Variants in C10orf88 observed in about 807,000 individuals in gnomAD.
C10orf88 encodes the protein chromosome 10 open reading frame 88, also known as ATPase PAAT.
C10orf88 carries 29 observed loss-of-function variants against 34.2 expected under a neutral mutation model. That is an observed-to-expected ratio of 0.85 (90% CI 0.63 to 1.16). C10orf88 has a LOEUF of 1.16. C10orf88 is among the 50% of genes most tolerant of loss of function. The pLI is 0.00. For synonymous variants in C10orf88, 194 were observed against 197.4 expected (o/e 0.98, Z 0.15); for missense variants, 507 against 533.2 (o/e 0.95, Z 0.48).
chr10:122,950,998 C>T (rs1766077420), intron 3 of C10orf88, among the ~76,000 whole-genome samples: 1 of 152,116 alleles, frequency 6.6e-6, no homozygotes, highest in Admixed American at 6.5e-5. Flanking sequence ...CAAGAATTTT[C>T]TTCAGCTCTC....
At chr10:122,943,696 C>T (rs1848607988) in intron 4 of C10orf88, among the ~76,000 whole-genome samples, 1 of 151,978 alleles carries the variant, frequency 6.6e-6, no homozygotes. Context: ...CAAACAACCC[C>T]ATCAAAAAGT....
In C10orf88 at chr10:122,942,463, C is replaced by T. The variant is rs538062700; in HGVS notation, c.649-4304G>A. 1.3e-3 allele frequency among the ~76,000 whole-genome samples: 196 copies of T among 152,228 alleles called. 1 individual carries two copies. The highest frequency in any genetic ancestry group is 4.3e-3 in the African/African-American group (180 of 41,526). ...GAAGCATTCCCTTTGAAAACTGGCA[C>T]AAGATAGGGATGCCCTCTCTCACCA... On this transcript the variant is annotated intron_variant, in intron 4 of 5. Transcript: ENST00000481909.
At chr10:122,945,649 T>TA (rs951887545) in intron 4 of C10orf88, among the ~76,000 whole-genome samples, 11 of 151,122 alleles carry the variant, frequency 7.3e-5, no homozygotes, top group Admixed American at 5.9e-4. Context: ...GTTTAAAACT[T>TA]AAAAAAAAAT....
At chr10:122,945,444 C>G (rs1848630784) in intron 4 of C10orf88, among the ~76,000 whole-genome samples, 2 of 152,126 alleles carry the variant, frequency 1.3e-5, no homozygotes, top group South Asian at 4.1e-4. Context: ...AAAACCACCT[C>G]AGGCAGGTCC....
intron 4 of C10orf88, among the ~76,000 whole-genome samples, chr10:122,945,666 C>A (rs1171547019): frequency 6.6e-6 from 1 of 151,588 alleles, no homozygotes; most frequent in African/African-American, 2.4e-5. Flanking sequence ...AAATTAAATA[C>A]AAAAAAAGCT....
At position 122,954,045 on chromosome 10, in the gene C10orf88, C is replaced by T. The variant is rs1354548153; in HGVS notation, c.134G>A (p.Trp45Ter). 6.5e-7 allele frequency: 1 copy of T among 1,536,350 alleles called. No homozygotes were observed. Among genetic ancestry groups the T allele is most frequent in the East Asian group, 2.6e-5 (1 of 39,034 alleles). ...AGCAGGCGGTGCCAGCAGCTCCTCC[C>T]AGTCGAAGTCACCGGGGCCGAGACC... is the stretch of plus-strand genomic sequence containing the variant. ...RAGLGPGDFD[W>*]EELLAPPAPG... The change falls in exon 1 of 6, where the codon TGG becomes TAG. Residue 45 changes from tryptophan to a stop codon, truncating the protein, a stop_gained. Coordinates refer to ENST00000481909, the MANE Select transcript of C10orf88 (RefSeq NM_024942.4). LOFTEE classifies it high-confidence loss of function.
At chr10:122,933,725 G>A (rs1337400878) in intron 5 of C10orf88, among the ~76,000 whole-genome samples, 1 of 152,064 alleles carries the variant, frequency 6.6e-6, no homozygotes, top group Non-Finnish European at 1.5e-5. Flanking sequence ...CTTTTTCAGA[G>A]ATTAATCCAC....
chr10:122,953,889 C>A, intron 1 of C10orf88, 126 bp downstream of exon 1: 1 of 838,850 alleles, frequency 1.2e-6, no homozygotes, highest in East Asian at 4.4e-5. Context: ...CCCTCCCCAA[C>A]TAGAGACCTG....
intron 3 of C10orf88, among the ~76,000 whole-genome samples, chr10:122,949,809 C>A (rs1458388163): frequency 1.3e-5 from 2 of 152,164 alleles, no homozygotes; most frequent in African/African-American, 4.8e-5. Flanking sequence ...TCCAAATGCT[C>A]ATGTAAAACG....
chr10:122,953,899 G>A (rs986581557), intron 1 of C10orf88, 116 bp downstream of exon 1: 1 of 871,204 alleles, frequency 1.1e-6, no homozygotes, highest in African/African-American at 2.1e-5. Context: ...CTAGAGACCT[G>A]GTACCAACTG....
intron 4 of C10orf88, among the ~76,000 whole-genome samples, chr10:122,942,185 CACAA>C (rs1229173988): frequency 6.6e-6 from 1 of 152,006 alleles, no homozygotes; most frequent in Non-Finnish European, 1.5e-5. Flanking sequence ...AAAATTTGTT[CACAA>C]ACAATTGCTT....
chr10:122,935,338 A>T (rs1436895007), intron 5 of C10orf88, among the ~76,000 whole-genome samples: 1 of 152,038 alleles, frequency 6.6e-6, no homozygotes, highest in Non-Finnish European at 1.5e-5. Flanking sequence ...CATAAAGTAT[A>T]AGATTTAAGT....
chr10:122,951,147 C>T (rs1461527444), intron 3 of C10orf88, among the ~76,000 whole-genome samples: 2 of 152,200 alleles, frequency 1.3e-5, no homozygotes, highest in African/African-American at 4.8e-5. Flanking sequence ...CTAACAGTTA[C>T]CTTAACAATA....
chr10:122,951,898 TAC>T (rs1252417678), intron 3 of C10orf88, 54 bp downstream of exon 3: 6 of 1,070,434 alleles, frequency 5.6e-6, no homozygotes, highest in South Asian at 2.7e-5. Flanking sequence ...AAAACAAGCA[TAC>T]ACAGAGTACA....
In C10orf88 at chr10:122,932,618, A is replaced by G. The variant is rs756118978; in HGVS notation, c.1147T>C (p.Ser383Pro). ...SICSYLEKIL[S>P]KNMELMEKKL... ...TTTTCCATCAGTTCCATATTTTTAG[A>G]AAGAATCTTTTCCAAGTAGGAGCAA... The change falls in exon 6 of 6, where the codon TCT becomes CCT. Residue 383 changes from serine to proline, a missense_variant. Physicochemically the swap from Ser to Pro is moderately conservative, Grantham distance 74 (BLOSUM62 -1). Transcript: ENST00000481909. 12 of 1,613,172 alleles carry G rather than the reference A, an allele frequency of 7.4e-6. No individual in the cohort carries two copies. The highest frequency in any genetic ancestry group is 1.0e-5 in the Non-Finnish European group (12 of 1,179,698).
intron 4 of C10orf88, among the ~76,000 whole-genome samples, chr10:122,944,833 GA>G (rs1023001509): frequency 3.3e-4 from 47 of 141,702 alleles, no homozygotes; most frequent in Non-Finnish European, 2.8e-4. Flanking sequence ...CTCTAAACTT[GA>G]AAAAAAAAAA....
Position 122,938,174 on chromosome 10 carries a change from C to A in C10orf88, c.649-15G>T. 6.4e-7 allele frequency: 1 copy of A among 1,553,716 alleles called. No homozygotes were observed. ...GGAATACAATTCTAAACAAGGTAAA[C>A]AAGTAAATGTTAATATTAATAACAC... On this transcript the variant is annotated splice_polypyrimidine_tract_variant and intron_variant, in intron 4 of 5. Transcript: ENST00000481909.
At chr10:122,950,023 T>G (rs58790917) in intron 3 of C10orf88, among the ~76,000 whole-genome samples, 1,578 of 152,346 alleles carry the variant, frequency 0.01, 26 homozygotes, top group African/African-American at 0.036. Flanking sequence ...TTATCCAACA[T>G]TTTATCCTGT....
At chr10:122,942,302 G>A (rs1012366681) in intron 4 of C10orf88, among the ~76,000 whole-genome samples, 6 of 151,424 alleles carry the variant, frequency 4.0e-5, no homozygotes, top group African/African-American at 1.5e-4. Context: ...ATGCAGAAAA[G>A]GCCTTTGACA....
Sources: allele counts gnomAD v4.1 joint callset (sites outside exome capture counted in the v4.1 genomes callset), GRCh38; gene constraint gnomAD v4.1.1; transcripts MANE v1.5; gene names NCBI Gene and HGNC (gene_info 2026-07-23, HGNC 2026-07-21).